The following C10orf53 variants were observed in gnomAD, a reference collection of about 807,000 sequenced individuals.
C10orf53 encodes UPF0728 protein C10orf53.
A neutral mutation model predicts 9.4 loss-of-function variants in C10orf53; 8 were observed. That is an observed-to-expected ratio of 0.85 (90% confidence interval 0.50 to 1.53). The LOEUF is 1.53. Among genes scored for constraint, C10orf53 ranks in the 40% most tolerant of loss-of-function variants. C10orf53 has a pLI of 0.00. For missense variants in C10orf53, 117 were observed against 117.8 expected (o/e 0.99, Z 0.03); for synonymous variants, 48 against 46.0 (o/e 1.04, Z -0.18).
downstream of C10orf53, among the ~76,000 whole-genome samples, chr10:49,698,212 C>T (rs1253067156): frequency 1.3e-5 from 2 of 152,166 alleles, no homozygotes; most frequent in Admixed American, 6.5e-5. Context: ...ATAGCTTGAA[C>T]CCAAGAGTTC....
At position 49,681,187 on chromosome 10, in the gene C10orf53, G is replaced by C. The variant is rs1849637064; in HGVS notation, c.97+1393G>C. ...AGCTTCATGTGCTTTCGGCTACCTA[G>C]ACAGAGGTGCTGAATCAGCTCTGTT... is the stretch of plus-strand genomic sequence containing the variant. On this transcript the variant is annotated intron_variant, in intron 1 of 2. Coordinates refer to ENST00000374111, the MANE Select transcript of C10orf53 (RefSeq NM_001042427.3). Among the ~76,000 whole-genome samples the C allele has an allele frequency of 3.3e-5, 5 of 152,302 alleles. No homozygotes were observed. In the South Asian group the frequency reaches 1.0e-3, roughly 32 times the overall value.
chr10:49,708,463 A>G lies in C10orf53; in HGVS notation c.320A>G (p.Gln107Arg), dbSNP rs953502720. Residue 107 changes from glutamine (Q) to arginine (R), a missense_variant, in exon 3 of 3, where the codon CAG becomes CGG. Transcript: ENST00000374112. ...AGGATGAAAGTTTCTCCTTTGCAAC[A>G]GTTCCCACAAAAGACCCAGGACCTG... The G allele has an allele frequency of 4.3e-6, 7 of 1,614,040 alleles. No homozygotes were observed. In the Admixed American group the frequency reaches 5.0e-5, roughly 12 times the overall value.
chr10:49,693,435 T>C (rs1314055348), intron 1 of C10orf53, among the ~76,000 whole-genome samples: 1 of 152,150 alleles, frequency 6.6e-6, no homozygotes, highest in African/African-American at 2.4e-5. Context: ...AGTTGCCTAT[T>C]CCCCCAAGTC....
chr10:49,697,814 G>A (rs1413962787), downstream of C10orf53, among the ~76,000 whole-genome samples: 1 of 152,166 alleles, frequency 6.6e-6, no homozygotes, highest in African/African-American at 2.4e-5. Flanking sequence ...CCAAAGTGCT[G>A]GGATTACAGG....
At chr10:49,699,897 C>CG (rs1453489922), downstream of C10orf53, among the ~76,000 whole-genome samples, 10 of 151,990 alleles carry the variant, frequency 6.6e-5, no homozygotes, top group East Asian at 7.7e-4. Flanking sequence ...GAGCTCATCC[C>CG]CCCCGAGATC....
At chr10:49,694,145 G>T in intron 2 of C10orf53, 1 of 598,462 alleles carries the variant, frequency 1.7e-6, no homozygotes, top group Non-Finnish European at 2.9e-6. Context: ...TGAAGCCCTG[G>T]ACTTCGAGGG....
chr10:49,709,071 TG>T (rs1840743250), exon 3 of C10orf53: 1 of 169,810 alleles, frequency 5.9e-6, no homozygotes, highest in Non-Finnish European at 1.2e-5. Flanking sequence ...TCCCAAGCAT[TG>T]ATCTGCCCGT....
chr10:49,684,751 T>A (rs1268673201), intron 1 of C10orf53, among the ~76,000 whole-genome samples: 2 of 152,242 alleles, frequency 1.3e-5, no homozygotes, highest in Admixed American at 1.3e-4. Context: ...TTAACAACAT[T>A]TTTTTAAGAA....
At chr10:49,693,652 T>C in intron 1 of C10orf53, 122 bp from the exon 2 acceptor site, 4 of 1,255,160 alleles carry the variant, frequency 3.2e-6, no homozygotes, top group South Asian at 1.4e-5. Context: ...ACCAGGGCAG[T>C]TGAGTGATAC....
chr10:49,708,777 G>GGA, exon 3 of C10orf53: 1 of 1,050,116 alleles, frequency 9.5e-7, no homozygotes, highest in Non-Finnish European at 1.4e-6. Context: ...GCAACCTGTG[G>GGA]CAAACCCAAC....
intron 2 of C10orf53, among the ~76,000 whole-genome samples, chr10:49,707,188 C>A (rs1471316753): frequency 6.6e-6 from 1 of 152,190 alleles, no homozygotes; most frequent in Non-Finnish European, 1.5e-5. Flanking sequence ...AAGAGCCCTA[C>A]ACACCCTACA....
Position 49,679,729 on chromosome 10 carries a change from A to G in C10orf53, c.32A>G (p.Tyr11Cys), listed in dbSNP as rs1028197220. ...AAGAACGCAGTGGTCATCCTGCGCT[A>G]TGGGCCCTACAGCGCGGCAGGCCTA... MPKNAVVILR[Y>C]GPYSAAGLPV... The change falls in exon 1 of 3, where the codon TAT becomes TGT. Residue 11 changes from tyrosine to cysteine, a missense_variant. Transcript: ENST00000374111. 54 of 1,548,382 alleles carry G rather than the reference A, an allele frequency of 3.5e-5. No homozygotes were observed. Among genetic ancestry groups the G allele is most frequent in the Non-Finnish European group, 3.8e-5 (44 of 1,146,144 alleles).
chr10:49,687,028 C>T (rs1840535593), intron 1 of C10orf53, among the ~76,000 whole-genome samples: 1 of 152,222 alleles, frequency 6.6e-6, no homozygotes, highest in South Asian at 2.1e-4. Context: ...AGCTTTCCTA[C>T]CATTTTAAAG....
downstream of C10orf53, among the ~76,000 whole-genome samples, chr10:49,698,718 G>T (rs889829234): frequency 6.6e-6 from 1 of 152,194 alleles, no homozygotes; most frequent in Non-Finnish European, 1.5e-5. Context: ...GTGGAAGGGA[G>T]CTTCCTATGA....
chr10:49,695,629 C>T lies in C10orf53; in HGVS notation c.*1027C>T, dbSNP rs2132884751. ...TCGCCCCAGGCAGCCTCAAACCCTC[C>T]TGCACCCCAGAACTTCAAAGACCAC... On this transcript the variant is annotated 3_prime_UTR_variant, in exon 3 of 3. Coordinates refer to ENST00000374111, the MANE Select transcript of C10orf53 (RefSeq NM_001042427.3). 6.6e-6 allele frequency: 1 copy of T among 152,454 alleles called. No individual in the cohort carries two copies. Among genetic ancestry groups the T allele is most frequent in the Non-Finnish European group, 1.5e-5 (1 of 68,134 alleles). The allele number at this position is 152,454 out of a possible 1,614,324, so 9.4% of individuals were successfully genotyped here.
chr10:49,705,986 T>C (rs192768932), intron 2 of C10orf53, among the ~76,000 whole-genome samples: 5 of 152,248 alleles, frequency 3.3e-5, no homozygotes, highest in Non-Finnish European at 5.9e-5. Flanking sequence ...GACATACAAA[T>C]TACGACAAGC....
chr10:49,679,737 T>A lies in C10orf53; in HGVS notation c.40T>A (p.Tyr14Asn). The change falls in exon 1 of 3, where the codon TAC becomes AAC. Residue 14 changes from tyrosine to asparagine, a missense_variant. Tyr to Asn is a moderately radical substitution (Grantham distance 143). Coordinates refer to ENST00000374111, the MANE Select transcript of C10orf53 (RefSeq NM_001042427.3). ...AGTGGTCATCCTGCGCTATGGGCCC[T>A]ACAGCGCGGCAGGCCTACCGGTGGA... Reference protein sequence around the residue: ...NAVVILRYGPYSAAGLPVEHH... With the variant: ...NAVVILRYGPNSAAGLPVEHH... 6.5e-7 allele frequency: 1 copy of A among 1,547,850 alleles called. No homozygotes were observed. Among genetic ancestry groups the A allele is most frequent in the Non-Finnish European group, 8.7e-7 (1 of 1,145,958 alleles).
rs534650936 is a variant in C10orf53, at chr10:49,690,985, C to T, written c.98-2789C>T. On this transcript the variant is annotated intron_variant, in intron 1 of 2. Coordinates refer to ENST00000374111, the MANE Select transcript of C10orf53 (RefSeq NM_001042427.3). ...ATCCCTTTCGTTTATTTAGATCCCC[C>T]TTGAAGAATGAGGTGCCACTTCAAA... Among the ~76,000 whole-genome samples, 315 of 152,330 alleles carry T rather than the reference C, an allele frequency of 2.1e-3. 3 individuals carry two copies. The highest frequency in any genetic ancestry group is 6.5e-3 in the African/African-American group (269 of 41,586).
chr10:49,686,321 C>T (rs924462126), intron 1 of C10orf53, among the ~76,000 whole-genome samples: 1 of 152,102 alleles, frequency 6.6e-6, no homozygotes, highest in Non-Finnish European at 1.5e-5. Flanking sequence ...TGAGAATGTA[C>T]GTCACCTCAG....
Sources: allele counts gnomAD v4.1 joint callset (sites outside exome capture counted in the v4.1 genomes callset), GRCh38; gene constraint gnomAD v4.1.1; transcripts MANE v1.5; gene names NCBI Gene and HGNC (gene_info 2026-07-23, HGNC 2026-07-21).